Variants in AFAP1 observed in about 807,000 individuals in gnomAD.
The protein encoded by AFAP1 is actin filament-associated protein 1.
Under a neutral mutation model 93.9 loss-of-function variants are expected in AFAP1, and 75 were observed. That is an observed-to-expected ratio of 0.80 (90% CI 0.66 to 0.97). The LOEUF (loss-of-function observed/expected upper bound fraction) is 0.97. Ranked by LOEUF, AFAP1 falls within the 50% of genes least tolerant of loss-of-function variation. The pLI, the probability that AFAP1 is intolerant of heterozygous loss-of-function variation, is 0.00. For synonymous variants in AFAP1, 517 were observed against 430.7 expected (o/e 1.20, Z -2.48); for missense variants, 1,201 against 1,050.8 (o/e 1.14, Z -1.98).
intron 1 of AFAP1, among the ~76,000 whole-genome samples, chr4:7,885,542 T>A (rs1445294234): frequency 2.6e-5 from 4 of 152,204 alleles, no homozygotes; most frequent in African/African-American, 9.7e-5. Flanking sequence ...CAGTAGACAG[T>A]TGGAAGACAG....
At chr4:7,903,709 G>T (rs1232557690) in intron 1 of AFAP1, among the ~76,000 whole-genome samples, 1 of 152,064 alleles carries the variant, frequency 6.6e-6, no homozygotes. Flanking sequence ...TAAAATATAA[G>T]CAGAGAATAA....
At chr4:7,856,901 G>A (rs540824323) in intron 3 of AFAP1, among the ~76,000 whole-genome samples, 1 of 152,304 alleles carries the variant, frequency 6.6e-6, no homozygotes, top group South Asian at 2.1e-4. Context: ...ATCCATGCAG[G>A]AATCCTTCAG....
chr4:7,915,948 G>A (rs1407729628), intron 1 of AFAP1, among the ~76,000 whole-genome samples: 1 of 152,170 alleles, frequency 6.6e-6, no homozygotes, highest in Non-Finnish European at 1.5e-5. Flanking sequence ...GGAAAAATAG[G>A]AGGGAGAGGA....
At chr4:7,846,769 T>C (rs1375047847) in intron 4 of AFAP1, among the ~76,000 whole-genome samples, 1 of 152,116 alleles carries the variant, frequency 6.6e-6, no homozygotes, top group Non-Finnish European at 1.5e-5. Context: ...GTTTCTCACA[T>C]CCACCATCTC....
At chr4:7,801,115 A>G (rs1215702872) in intron 9 of AFAP1, among the ~76,000 whole-genome samples, 1 of 152,212 alleles carries the variant, frequency 6.6e-6, no homozygotes, top group Non-Finnish European at 1.5e-5. Flanking sequence ...TAACATGAAG[A>G]AACAAAAACT....
chr4:7,897,081 C>A (rs761086281), intron 1 of AFAP1, among the ~76,000 whole-genome samples: 16 of 152,098 alleles, frequency 1.1e-4, no homozygotes, highest in Non-Finnish European at 2.1e-4. Flanking sequence ...TGATTTCCTC[C>A]AATCCCATGA....
intron 11 of AFAP1, among the ~76,000 whole-genome samples, chr4:7,790,017 T>C (rs1317434669): frequency 6.6e-6 from 1 of 152,242 alleles, no homozygotes; most frequent in African/African-American, 2.4e-5. Context: ...TCTTACACTT[T>C]CCTCTTTTCA....
At position 7,827,837 on chromosome 4, in the gene AFAP1, T is replaced by G. The variant is rs534501425; in HGVS notation, c.727-8666A>C. The stretch of plus-strand genomic sequence containing the variant: ...AGGACCAATGGGCACAAAGGGCGGG[T>G]GACGTCTCATCCGAGCGAGGGAGAA... On this transcript the variant is annotated intron_variant, in intron 6 of 17. Coordinates refer to ENST00000420658, the MANE Select transcript of AFAP1 (RefSeq NM_001134647.2). 3.4e-3 allele frequency among the ~76,000 whole-genome samples: 517 copies of G among 152,100 alleles called. 2 individuals are homozygous for G. The highest frequency in any genetic ancestry group is 0.012 in the African/African-American group (504 of 41,478).
Position 7,809,184 on chromosome 4 carries a change from A to G in AFAP1, c.1054+430T>C, listed in dbSNP as rs192809699. 8.6e-5 allele frequency among the ~76,000 whole-genome samples: 13 copies of G among 151,718 alleles called. No individual in the cohort carries two copies. In the South Asian group the frequency reaches 2.3e-3, roughly 27 times the overall value. ...ATTAACTCATCATTTAGCATTAGGT[A>G]TATCTCCTAATGCTATCCCTCCCCA... On this transcript the variant is annotated intron_variant, in intron 9 of 17. Transcript: ENST00000420658.
At chr4:7,798,829 C>T in intron 10 of AFAP1, 1 of 946,882 alleles carries the variant, frequency 1.1e-6, no homozygotes, top group African/African-American at 1.8e-5. Flanking sequence ...CTTCCACCCA[C>T]CCCCACCGCA....
In AFAP1 at chr4:7,891,979, G is replaced by A. The variant is rs911972872; in HGVS notation, c.-2-19899C>T. Reference sequence around the variant, plus strand: ...TGAGGCAGGAGAATGGCTTGAACCCGGGAAGCGGAGGTTGCAGTAAGCCAA... The same window carrying A: ...TGAGGCAGGAGAATGGCTTGAACCCAGGAAGCGGAGGTTGCAGTAAGCCAA... On this transcript the variant is annotated intron_variant, in intron 1 of 17. Coordinates refer to ENST00000420658, the MANE Select transcript of AFAP1 (RefSeq NM_001134647.2). 7.9e-5 allele frequency among the ~76,000 whole-genome samples: 12 copies of A among 152,176 alleles called. No homozygotes were observed. The South Asian group carries it at 1.0e-3, about 13-fold the overall frequency.
intron 14 of AFAP1, 83 bp from the exon 15 acceptor site, chr4:7,774,986 A>C (rs1560149504): frequency 2.0e-6 from 3 of 1,520,764 alleles, no homozygotes. Context: ...CACAAAAAAT[A>C]CAAAATTAGC....
intron 7 of AFAP1, among the ~76,000 whole-genome samples, chr4:7,816,912 C>T (rs1454556187): frequency 6.6e-6 from 1 of 152,208 alleles, no homozygotes; most frequent in Non-Finnish European, 1.5e-5. Flanking sequence ...ACCAGTGCCA[C>T]TTAGTGGGAA....
At chr4:7,786,072 T>C in intron 12 of AFAP1, 122 bp downstream of exon 12, 1 of 809,628 alleles carries the variant, frequency 1.2e-6, no homozygotes. Flanking sequence ...GGAGTCTCCT[T>C]GCCTCAGAGC....
intron 11 of AFAP1, among the ~76,000 whole-genome samples, chr4:7,792,011 T>C (rs1717907775): frequency 1.3e-5 from 2 of 152,132 alleles, no homozygotes; most frequent in South Asian, 2.1e-4. Flanking sequence ...TCCAGCTTAA[T>C]AGAAGGTGGC....
intron 1 of AFAP1, among the ~76,000 whole-genome samples, chr4:7,931,493 G>C (rs1282410828): frequency 6.6e-6 from 1 of 151,856 alleles, no homozygotes; most frequent in Non-Finnish European, 1.5e-5. Context: ...TTGGGATCAG[G>C]TGATCAACCT....
At chr4:7,806,786 A>G (rs368243761) in intron 9 of AFAP1, among the ~76,000 whole-genome samples, 1 of 152,234 alleles carries the variant, frequency 6.6e-6, no homozygotes, top group Admixed American at 6.5e-5. Flanking sequence ...AAAGCTGTCC[A>G]CTAAGCAGTT....
chr4:7,900,778 G>C (rs1023395672), intron 1 of AFAP1, among the ~76,000 whole-genome samples: 2 of 152,182 alleles, frequency 1.3e-5, no homozygotes, highest in African/African-American at 4.8e-5. Flanking sequence ...TTACGTGGTA[G>C]CATTGCAATA....
chr4:7,785,180 T>A (rs973727907), intron 12 of AFAP1, among the ~76,000 whole-genome samples: 4 of 152,108 alleles, frequency 2.6e-5, no homozygotes, highest in African/African-American at 9.7e-5. Flanking sequence ...GGATGCTCAA[T>A]ACGCGGTTGT....
Sources: allele counts gnomAD v4.1 joint callset (sites outside exome capture counted in the v4.1 genomes callset), GRCh38; gene constraint gnomAD v4.1.1; transcripts MANE v1.5; gene names NCBI Gene and HGNC (gene_info 2026-07-23, HGNC 2026-07-21).